FHIT: variants seen among roughly 807,000 people sequenced by gnomAD.
The protein encoded by FHIT is fragile histidine triad diadenosine triphosphatase.
Under a neutral mutation model 17.9 loss-of-function variants are expected in FHIT, and 19 were observed. That is an observed-to-expected ratio of 1.06 (90% CI 0.74 to 1.56). The LOEUF (loss-of-function observed/expected upper bound fraction) is 1.56. Among genes scored for constraint, FHIT ranks in the 40% most tolerant of loss-of-function variants. FHIT has a pLI of 0.00. For missense variants in FHIT, 248 were observed against 189.2 expected, an observed-to-expected ratio of 1.31 and a Z score of -1.82; for synonymous variants, 81 against 69.7, an observed-to-expected ratio of 1.16 and a Z score of -0.81.
At chr3:60,848,891 A>G (rs1703031316) in intron 3 of FHIT, among the ~76,000 whole-genome samples, 1 of 152,188 alleles carries the variant, frequency 6.6e-6, no homozygotes, top group South Asian at 2.1e-4. Flanking sequence ...CCATGTCTAC[A>G]TACTTGAGAA....
chr3:61,028,453 A>G (rs1354055780), intron 3 of FHIT, among the ~76,000 whole-genome samples: 4 of 152,234 alleles, frequency 2.6e-5, no homozygotes, highest in African/African-American at 9.6e-5. Context: ...TAATGGCACC[A>G]GTCTCACCTG....
At chr3:59,769,421 A>T (rs529515908) in intron 8 of FHIT, among the ~76,000 whole-genome samples, 2 of 152,272 alleles carry the variant, frequency 1.3e-5, no homozygotes, top group South Asian at 4.2e-4. Flanking sequence ...GCTTGGCTGG[A>T]CGCCTGCTAG....
chr3:60,016,897 A>G (rs1242137036), intron 5 of FHIT, among the ~76,000 whole-genome samples: 5 of 152,192 alleles, frequency 3.3e-5, no homozygotes, highest in Non-Finnish European at 7.4e-5. Flanking sequence ...TACTTACTCA[A>G]TCTTTCCAAC....
intron 3 of FHIT, among the ~76,000 whole-genome samples, chr3:60,911,545 G>C (rs950043815): frequency 7.2e-5 from 11 of 152,120 alleles, no homozygotes; most frequent in African/African-American, 2.4e-4. Flanking sequence ...GATCATTCAT[G>C]GTATGGGTTC....
At chr3:60,533,505 G>A (rs1055713315) in intron 5 of FHIT, among the ~76,000 whole-genome samples, 1 of 152,160 alleles carries the variant, frequency 6.6e-6, no homozygotes, top group African/African-American at 2.4e-5. Context: ...GTTTGGTCTT[G>A]GTACCTGGAA....
At chr3:60,018,665 C>T (rs1700435840) in intron 5 of FHIT, among the ~76,000 whole-genome samples, 1 of 152,102 alleles carries the variant, frequency 6.6e-6, no homozygotes, top group South Asian at 2.1e-4. Flanking sequence ...TAAACTACCC[C>T]AAATCATAGA....
At chr3:60,412,683 C>G (rs1702106559) in intron 5 of FHIT, among the ~76,000 whole-genome samples, 1 of 152,148 alleles carries the variant, frequency 6.6e-6, no homozygotes, top group African/African-American at 2.4e-5. Flanking sequence ...TAGGAAGGGA[C>G]TGAGCAGAGT....
At chr3:60,280,673 A>C (rs1221923245) in intron 5 of FHIT, among the ~76,000 whole-genome samples, 1 of 152,040 alleles carries the variant, frequency 6.6e-6, no homozygotes, top group African/African-American at 2.4e-5. Context: ...TGACACCTAG[A>C]TTTTAGACTT....
intron 5 of FHIT, among the ~76,000 whole-genome samples, chr3:60,064,616 C>CA (rs1702423991): frequency 6.6e-6 from 1 of 152,150 alleles, no homozygotes; most frequent in South Asian, 2.1e-4. Flanking sequence ...CTCTAGCTCA[C>CA]AAAGCAGACA....
At chr3:60,829,775 G>A (rs1702255271) in intron 3 of FHIT, among the ~76,000 whole-genome samples, 1 of 150,120 alleles carries the variant, frequency 6.7e-6, no homozygotes. Flanking sequence ...CGGTAGATCA[G>A]AATATGCCTC....
intron 3 of FHIT, among the ~76,000 whole-genome samples, chr3:60,853,765 A>G (rs1429656629): frequency 1.3e-5 from 2 of 152,146 alleles, no homozygotes; most frequent in African/African-American, 4.8e-5. Context: ...TCCTGAAAGA[A>G]ACATAAGTAC....
chr3:59,814,891 A>C (rs1270297617), intron 8 of FHIT, among the ~76,000 whole-genome samples: 1 of 152,202 alleles, frequency 6.6e-6, no homozygotes, highest in East Asian at 1.9e-4. Flanking sequence ...AATATGAAAA[A>C]AAATATAAGA....
rs71092612 is a variant in FHIT at position 60,543,907 on chromosome 3, C to CTTTTTTTTTTTTTT, written c.-17-6942_-17-6929dup. Among the ~76,000 whole-genome samples, 157 of 52,052 alleles carry CTTTTTTTTTTTTTT rather than the reference C, an allele frequency of 3.0e-3. 10 individuals are homozygous for CTTTTTTTTTTTTTT. Among genetic ancestry groups the CTTTTTTTTTTTTTT allele is most frequent in the African/African-American group, 5.9e-3 (61 of 10,276 alleles). The allele number at this position is 52,052 out of a possible 152,430, so 34.1% of individuals were successfully genotyped here. A position where few individuals can be genotyped will look rare whatever the true frequency, so the allele number is the denominator to read the frequency against. ...CTACAAGCGCCCGCACCACGCCCGG[C>CTTTTTTTTTTTTTT]TTTTTTTTTTTTTTTTTTTTTTTTG... On this transcript the variant is annotated intron_variant, in intron 4 of 9. Transcript: ENST00000492590.
intron 8 of FHIT, among the ~76,000 whole-genome samples, chr3:59,892,351 T>C (rs923338739): frequency 2.0e-5 from 3 of 152,236 alleles, no homozygotes; most frequent in Admixed American, 6.5e-5. Flanking sequence ...TGGCTTTCCA[T>C]GCCAAGGAGG....
At chr3:60,827,465 A>G (rs138707429) in intron 3 of FHIT, among the ~76,000 whole-genome samples, 4 of 152,372 alleles carry the variant, frequency 2.6e-5, no homozygotes, top group African/African-American at 7.2e-5. Context: ...AGCAAGGTAG[A>G]AAAGGAATAT....
In FHIT at chr3:60,129,423, C is replaced by T. The variant is rs146395450; in HGVS notation, c.104-115271G>A. On this transcript the variant is annotated intron_variant, in intron 5 of 9. Transcript: ENST00000492590. The stretch of plus-strand genomic sequence containing the variant: ...AAGAATTTCCTCTGAATGAATTCAA[C>T]AAGTGTCCTGTACATGTAAATATAT... 1.3e-3 allele frequency among the ~76,000 whole-genome samples: 199 copies of T among 152,274 alleles called. 2 individuals carry two copies. In the Middle Eastern group the frequency reaches 0.014, roughly 10 times the overall value.
chr3:60,123,985 T>G (rs1341772342), intron 5 of FHIT, among the ~76,000 whole-genome samples: 5 of 47,466 alleles, frequency 1.1e-4, no homozygotes, highest in Admixed American at 2.6e-4. Flanking sequence ...TATATATATA[T>G]ATATATATAT....
chr3:60,500,344 AAT>A (rs1375770075), intron 5 of FHIT, among the ~76,000 whole-genome samples: 1 of 152,180 alleles, frequency 6.6e-6, no homozygotes, highest in African/African-American at 2.4e-5. Flanking sequence ...AAATAAATAA[AAT>A]AAAGTACAGT....
chr3:60,927,006 C>G (rs1205638835), intron 3 of FHIT, among the ~76,000 whole-genome samples: 1 of 152,092 alleles, frequency 6.6e-6, no homozygotes, highest in Non-Finnish European at 1.5e-5. Flanking sequence ...ACGGTGCCCC[C>G]CTCCCTCGTC....
Sources: gnomAD v4.1 joint callset for allele counts (sites outside exome capture counted in the v4.1 genomes callset) on GRCh38, gnomAD v4.1.1 for gene constraint, MANE v1.5 for transcripts, NCBI Gene and HGNC (gene_info 2026-07-23, HGNC 2026-07-21) for gene names.